The following NCBP2 variants were observed in gnomAD, a reference collection of about 807,000 sequenced individuals.
NCBP2 encodes the protein nuclear cap binding protein subunit 2, also known as nuclear cap-binding protein subunit 2.
Under a neutral mutation model 21.5 loss-of-function variants are expected in NCBP2, and 8 were observed. The ratio of observed to expected loss-of-function variants is 0.37; its 90% confidence interval spans 0.22 to 0.67. The LOEUF is 0.67. Among genes scored for constraint, NCBP2 ranks in the 30% least tolerant of loss-of-function variants. The pLI is 0.56. For synonymous variants in NCBP2, 92 were observed against 75.8 expected, an observed-to-expected ratio of 1.21 and a Z score of -1.11; for missense variants, 127 against 206.9, an observed-to-expected ratio of 0.61 and a Z score of 2.37.
rs1560168781 is a variant in NCBP2 at position 196,937,494 on chromosome 3, G to T, written c.399+16C>A. 5 of 1,613,566 alleles carry T rather than the reference G, an allele frequency of 3.1e-6. No homozygotes were observed. The highest frequency in any genetic ancestry group is 3.4e-6 in the Non-Finnish European group (4 of 1,179,892). On this transcript the variant is annotated intron_variant, in intron 3 of 3. Coordinates refer to ENST00000321256, the MANE Select transcript of NCBP2 (RefSeq NM_007362.5). ...ATCCCAGGCAATGGCTGAGCCCAGA[G>T]ACCCTTCTTGCATACCTGGCCCCCA...
Position 196,936,944 on chromosome 3 carries a change from TA to T in NCBP2, c.*66del. 1 of 1,443,382 alleles carries T rather than the reference TA, an allele frequency of 6.9e-7. No individual in the cohort carries two copies. Among genetic ancestry groups the T allele is most frequent in the Non-Finnish European group, 9.8e-7 (1 of 1,024,296 alleles). 89.4% of individuals were successfully genotyped at this position (1,443,382 alleles called of 1,614,324 possible). ...TAAAAATGGGCTCGTGTGCAGACTT[TA>T]GGTGATGTTCTTCAGCAAATTCAAC... On this transcript the variant is annotated 3_prime_UTR_variant, in exon 4 of 4. Coordinates refer to ENST00000321256, the MANE Select transcript of NCBP2 (RefSeq NM_007362.5).
Position 196,937,503 on chromosome 3 carries a change from T to TGCATACCTGGCCCCCAGATC in NCBP2, c.386_399+6dup, listed in dbSNP as rs762444138. The TGCATACCTGGCCCCCAGATC allele has an allele frequency of 1.2e-6, 2 of 1,613,940 alleles. No homozygotes were observed. Among genetic ancestry groups the TGCATACCTGGCCCCCAGATC allele is most frequent in the East Asian group, 4.5e-5 (2 of 44,892 alleles). ...AATGGCTGAGCCCAGAGACCCTTCT[T>TGCATACCTGGCCCCCAGATC]GCATACCTGGCCCCCAGATCGCCCA... On this transcript the variant is annotated splice_region_variant and intron_variant, in intron 3 of 3. Coordinates refer to ENST00000321256, the MANE Select transcript of NCBP2 (RefSeq NM_007362.5).
chr3:196,942,249 C>T lies in NCBP2; in HGVS notation c.78+177G>A. The stretch of plus-strand genomic sequence containing the variant: ...CCCCGTCTTCCAGAGCAAGTGGCTT[C>T]AGTGATATCCAAGCGCCCTTCCAGC... On this transcript the variant is annotated intron_variant, in intron 1 of 3. Coordinates refer to ENST00000321256, the MANE Select transcript of NCBP2 (RefSeq NM_007362.5). 4.1e-6 allele frequency: 6 copies of T among 1,473,064 alleles called. No individual in the cohort carries two copies. In the South Asian group the frequency reaches 8.2e-5, roughly 20 times the overall value. The allele number at this position is 1,473,064 out of a possible 1,614,324, so 91.2% of individuals were successfully genotyped here.
intron 1 of NCBP2, chr3:196,942,049 C>A: frequency 6.5e-7 from 1 of 1,534,358 alleles, no homozygotes. Context: ...ATCAGGAAGG[C>A]GCCTCTGCCT....
At chr3:196,940,401 C>A (rs1386534082) in intron 1 of NCBP2, among the ~76,000 whole-genome samples, 1 of 147,850 alleles carries the variant, frequency 6.8e-6, no homozygotes, top group African/African-American at 2.5e-5. Context: ...GGACAATAGT[C>A]ATTGTATGTT....
chr3:196,937,571 G>A lies in NCBP2; in HGVS notation c.338C>T (p.Thr113Ile). ...GTRLDDRIIR[T>I]DWDAGFKEGR... ...CTCCTTAAAGCCTGCGTCCCAGTCT[G>A]TGCGAATGATTCGGTCATCCAGACG... The change falls in exon 3 of 4, where the codon ACA becomes ATA. Residue 113 changes from threonine (T) to isoleucine (I), a missense_variant. Physicochemically the swap from Thr to Ile is moderately conservative, Grantham distance 89. Transcript: ENST00000321256. The A allele has an allele frequency of 1.2e-6, 2 of 1,614,156 alleles. No individual in the cohort carries two copies. Among genetic ancestry groups the A allele is most frequent in the Admixed American group, 1.7e-5 (1 of 60,026 alleles).
intron 1 of NCBP2, 24 bp downstream of exon 1, chr3:196,942,402 G>A (rs908253047): frequency 9.3e-6 from 15 of 1,609,100 alleles, no homozygotes; most frequent in Middle Eastern, 1.6e-4. Context: ...GGGCCTTCCC[G>A]TCTCGCGGCC....
chr3:196,938,279 T>A (rs1225886040), intron 2 of NCBP2: 1 of 152,216 alleles, frequency 6.6e-6, no homozygotes, highest in Non-Finnish European at 1.5e-5. Context: ...AAGCCTGCAA[T>A]CTGGGAGAGA....
In NCBP2 at chr3:196,937,013, A is replaced by G. The variant is rs1234160227; in HGVS notation, c.469T>C (p.Ter157ArgextTer15). 1 of 1,613,956 alleles carries G rather than the reference A, an allele frequency of 6.2e-7. No individual in the cohort carries two copies. Among genetic ancestry groups the G allele is most frequent in the East Asian group, 2.2e-5 (1 of 44,898 alleles). The change falls in exon 4 of 4, where the codon TGA becomes CGA. Residue 157 changes from the stop codon to arginine, a stop_lost. Coordinates refer to ENST00000321256, the MANE Select transcript of NCBP2 (RefSeq NM_007362.5). ...GTCACTGACAGAGCTCTCACCACTC[A>G]CTGGTTCTGTGCCAGTTTTCCATAG... ...GGYGKLAQNQ[*>R] is the part of the protein sequence containing the mutation.
At chr3:196,938,956 A>C (rs1369776538) in intron 2 of NCBP2, 2 of 255,700 alleles carry the variant, frequency 7.8e-6, no homozygotes, top group Non-Finnish European at 1.5e-5. Flanking sequence ...AAAGGGCATT[A>C]GGGGTTTAGA....
chr3:196,942,058 C>T, intron 1 of NCBP2: 1 of 1,532,650 alleles, frequency 6.5e-7, no homozygotes, highest in Non-Finnish European at 8.7e-7. Context: ...GCGCCTCTGC[C>T]TACTCTGGGA....
At chr3:196,939,006 A>ATT in intron 2 of NCBP2, 4 of 317,778 alleles carry the variant, frequency 1.3e-5, no homozygotes, top group South Asian at 5.3e-5. Flanking sequence ...ATTCTTTGGA[A>ATT]TTTTTTTTTT....
rs1333783448 is a variant in NCBP2 at position 196,937,666 on chromosome 3, A to G, written c.261-18T>C. 2.5e-6 allele frequency: 4 copies of G among 1,610,698 alleles called. No individual in the cohort carries two copies. Among genetic ancestry groups the G allele is most frequent in the Non-Finnish European group, 2.5e-6 (3 of 1,177,848 alleles). ...AGTAATATCTTAAGTATTAAGGAAC[A>G]CTAGCATTTTTCCAAACATTTCTGG... is the stretch of plus-strand genomic sequence containing the variant. On this transcript the variant is annotated intron_variant, in intron 2 of 3. Transcript: ENST00000321256.
In NCBP2 at chr3:196,942,508, C is replaced by G; in HGVS notation, c.-5G>C. The G allele has an allele frequency of 6.2e-7, 1 of 1,611,782 alleles. No homozygotes were observed. The highest frequency in any genetic ancestry group is 8.5e-7 in the Non-Finnish European group (1 of 1,179,134). On this transcript the variant is annotated 5_prime_UTR_variant, in exon 1 of 4. Coordinates refer to ENST00000321256, the MANE Select transcript of NCBP2 (RefSeq NM_007362.5). ...CTTCAGGAGGCCACCCGACATAGTG[C>G]AGAGAAGCGGACCACAATGCGGCGA...
In NCBP2 at chr3:196,937,398, A is replaced by C; in HGVS notation, c.399+112T>G. ...TGGTTTTCAGATCCACTTCAAGCCA[A>C]GGTTATAGACACAAAGTTATTTACA... On this transcript the variant is annotated intron_variant, in intron 3 of 3. Transcript: ENST00000321256. The C allele has an allele frequency of 2.0e-6, 3 of 1,495,512 alleles. No individual in the cohort carries two copies. The South Asian group carries it at 3.8e-5, about 19-fold the overall frequency. The allele number at this position is 1,495,512 out of a possible 1,614,324, so 92.6% of individuals were successfully genotyped here. A position where few individuals can be genotyped will look rare whatever the true frequency, so the allele number is the denominator to read the frequency against.
chr3:196,938,590 G>C (rs1312395928), intron 2 of NCBP2: 1 of 152,184 alleles, frequency 6.6e-6, no homozygotes, highest in Non-Finnish European at 1.5e-5. Flanking sequence ...ATACAGTCAG[G>C]TTATATACAT....
At chr3:196,938,672 AC>A (rs1417834614) in intron 2 of NCBP2, 2 of 152,418 alleles carry the variant, frequency 1.3e-5, no homozygotes, top group East Asian at 3.9e-4. Flanking sequence ...TTAACCCGTC[AC>A]CCCCGCTGGA....
chr3:196,937,637 C>T lies in NCBP2; in HGVS notation c.272G>A (p.Arg91His), dbSNP rs1480644212. Residue 91 changes from arginine to histidine, a missense_variant, in exon 3 of 4, where the codon CGC becomes CAC. Coordinates refer to ENST00000321256, the MANE Select transcript of NCBP2 (RefSeq NM_007362.5). ...CCGCATGGCGTTTTCCGCATCTGCGCGTGAGTAATATCTTAAGTATTAAGG... is the reference window on the plus strand; with the variant it reads ...CCGCATGGCGTTTTCCGCATCTGCGTGTGAGTAATATCTTAAGTATTAAGG... ...CGFCFVEYYS[R>H]ADAENAMRYI... is the part of the protein sequence containing the mutation. 5.0e-6 allele frequency: 8 copies of T among 1,613,974 alleles called. No individual in the cohort carries two copies. Among genetic ancestry groups the T allele is most frequent in the Non-Finnish European group, 6.8e-6 (8 of 1,180,040 alleles).
intron 2 of NCBP2, chr3:196,938,550 G>T (rs1417483395): frequency 6.6e-6 from 1 of 152,202 alleles, no homozygotes; most frequent in Non-Finnish European, 1.5e-5. Flanking sequence ...GGAATTAAAT[G>T]ATCAAAGTAA....
Sources: gnomAD v4.1 joint callset for allele counts (sites outside exome capture counted in the v4.1 genomes callset) on GRCh38, gnomAD v4.1.1 for gene constraint, MANE v1.5 for transcripts, NCBI Gene and HGNC (gene_info 2026-07-23, HGNC 2026-07-21) for gene names.